QTMAN: variants seen among roughly 807,000 people sequenced by gnomAD.
QTMAN encodes tRNA-queuosine alpha-mannosyltransferase.
At chr2:144,276,795 C>G in the QTMAN span, among the ~76,000 whole-genome samples, 9 of 152,144 alleles carry the variant, frequency 5.9e-5, no homozygotes, top group Non-Finnish European at 1.3e-4. Context: ...TAATACCTCC[C>G]ATCAAAACCA....
chr2:143,945,766 T>TA, the QTMAN span: 1 of 152,250 alleles, frequency 6.6e-6, no homozygotes, highest in African/African-American at 2.4e-5. Flanking sequence ...AGTTACAATT[T>TA]ACCTGTCAGT....
chr2:144,152,293 C>T, the QTMAN span, among the ~76,000 whole-genome samples: 1 of 152,206 alleles, frequency 6.6e-6, no homozygotes, highest in African/African-American at 2.4e-5. Context: ...GTTTTCTTAA[C>T]ATCTATCCTT....
the QTMAN span, among the ~76,000 whole-genome samples, chr2:144,240,798 A>G: frequency 6.6e-6 from 1 of 152,224 alleles, no homozygotes; most frequent in Admixed American, 6.5e-5. Context: ...TTAAAACATA[A>G]CAGCATAAAA....
At chr2:144,068,361 G>A in the QTMAN span, among the ~76,000 whole-genome samples, 1 of 152,036 alleles carries the variant, frequency 6.6e-6, no homozygotes, top group Non-Finnish European at 1.5e-5. Context: ...CTGTTTGACT[G>A]TATAATTCTA....
chr2:144,274,091 G>A, the QTMAN span, among the ~76,000 whole-genome samples: 3 of 151,954 alleles, frequency 2.0e-5, no homozygotes, highest in Non-Finnish European at 2.9e-5. Context: ...CCGAGATCAC[G>A]CCACTACACT....
At chr2:144,249,562 A>G in the QTMAN span, among the ~76,000 whole-genome samples, 3 of 152,222 alleles carry the variant, frequency 2.0e-5, no homozygotes, top group Non-Finnish European at 4.4e-5. Context: ...ATTATATGGA[A>G]AAAGGACTGA....
the QTMAN span, among the ~76,000 whole-genome samples, chr2:144,227,715 T>C: frequency 1.3e-5 from 2 of 152,076 alleles, no homozygotes; most frequent in African/African-American, 4.8e-5. Flanking sequence ...AAACCAAGTA[T>C]CCAGAGAGTT....
At chr2:144,267,411 T>C in the QTMAN span, among the ~76,000 whole-genome samples, 1 of 152,224 alleles carries the variant, frequency 6.6e-6, no homozygotes, top group Non-Finnish European at 1.5e-5. Context: ...GACATTAGCA[T>C]GTCAAGGAGA....
chr2:144,259,907 T>C, the QTMAN span, among the ~76,000 whole-genome samples: 1 of 152,140 alleles, frequency 6.6e-6, no homozygotes, highest in African/African-American at 2.4e-5. Flanking sequence ...CTTTTAAATA[T>C]AAAACTAAAA....
At chr2:144,292,773 A>T in the QTMAN span, among the ~76,000 whole-genome samples, 2 of 152,220 alleles carry the variant, frequency 1.3e-5, no homozygotes, top group African/African-American at 4.8e-5. Flanking sequence ...AAACAGAAAG[A>T]AGAAATAAGA....
At chr2:144,189,310 TACTGATGCCCAAGGCCCTCCTGC>T in the QTMAN span, among the ~76,000 whole-genome samples, 1 of 152,110 alleles carries the variant, frequency 6.6e-6, no homozygotes, top group Non-Finnish European at 1.5e-5. Context: ...TAAATATAAA[TACTGATGCCCAAGGCCCTCCTGC>T]AGGGCAGGGC....
the QTMAN span, among the ~76,000 whole-genome samples, chr2:144,200,161 T>C: frequency 1.9e-4 from 29 of 152,328 alleles, no homozygotes; most frequent in Middle Eastern, 3.4e-3. Context: ...TAGGCTGTTA[T>C]AAAATAATGG....
the QTMAN span, among the ~76,000 whole-genome samples, chr2:144,184,047 C>A: frequency 6.6e-6 from 1 of 152,112 alleles, no homozygotes; most frequent in Non-Finnish European, 1.5e-5. Context: ...CATTTAAAGA[C>A]CAGATGAGCA....
the QTMAN span, among the ~76,000 whole-genome samples, chr2:144,214,442 A>T: frequency 6.6e-6 from 1 of 152,202 alleles, no homozygotes; most frequent in Non-Finnish European, 1.5e-5. Flanking sequence ...TGGCTAATAG[A>T]AATGAATCTG....
the QTMAN span, among the ~76,000 whole-genome samples, chr2:144,279,047 CAAGTT>C: frequency 6.6e-6 from 1 of 152,124 alleles, no homozygotes; most frequent in African/African-American, 2.4e-5. Context: ...CTGCTCAAGT[CAAGTT>C]CAGTGGCACA....
the QTMAN span, among the ~76,000 whole-genome samples, chr2:144,233,736 T>C: frequency 6.6e-6 from 1 of 152,218 alleles, no homozygotes; most frequent in African/African-American, 2.4e-5. Context: ...GTTAGCATTT[T>C]GTTTTCTTTG....
the QTMAN span, chr2:144,210,845 C>T: frequency 6.6e-6 from 1 of 152,062 alleles, no homozygotes; most frequent in African/African-American, 2.4e-5. Context: ...AGATATCTAC[C>T]ATCTTGCTTT....
chr2:144,017,245 C>T, the QTMAN span, among the ~76,000 whole-genome samples: 1 of 152,078 alleles, frequency 6.6e-6, no homozygotes, highest in Non-Finnish European at 1.5e-5. Flanking sequence ...CCTTGTGATC[C>T]ACCCACCTCG....
chr2:143,993,590 T>G, the QTMAN span, among the ~76,000 whole-genome samples: 2 of 152,258 alleles, frequency 1.3e-5, no homozygotes, highest in East Asian at 3.9e-4. Flanking sequence ...AATGGAGTGA[T>G]GCAGTCACAA....
Sources: gnomAD v4.1 joint callset for allele counts (sites outside exome capture counted in the v4.1 genomes callset) on GRCh38, gnomAD v4.1.1 for gene constraint, MANE v1.5 for transcripts, NCBI Gene and HGNC (gene_info 2026-07-23, HGNC 2026-07-21) for gene names.